SEMA3A: variants seen among roughly 807,000 people sequenced by gnomAD.
SEMA3A encodes semaphorin 3A.
In SEMA3A, 29 loss-of-function variants were observed where a neutral mutation model predicts 97.9. The ratio of observed to expected loss-of-function variants is 0.30; its 90% CI spans 0.22 to 0.40. The LOEUF (loss-of-function observed/expected upper bound fraction) is 0.40. Among genes scored for constraint, SEMA3A ranks in the 10% least tolerant of loss-of-function variants. The probability of loss-of-function intolerance (pLI) is 1.00; values close to 1 mark genes in which losing one functional copy is unlikely to be tolerated. For synonymous variants in SEMA3A, 321 were observed against 323.7 expected (o/e 0.99, Z 0.09); for missense variants, 763 against 951.3 (o/e 0.80, Z 2.60).
intron 1 of SEMA3A, among the ~76,000 whole-genome samples, chr7:84,422,559 T>G (rs1263786094): frequency 6.6e-6 from 1 of 152,066 alleles, no homozygotes; most frequent in African/African-American, 2.4e-5. Context: ...TCTGCTAGAT[T>G]TTGAATTTGT....
chr7:84,208,280 G>A (rs890362932), intron 3 of SEMA3A, among the ~76,000 whole-genome samples: 17 of 152,056 alleles, frequency 1.1e-4, no homozygotes, highest in Non-Finnish European at 2.1e-4. Flanking sequence ...GTGAAACCCC[G>A]CCTCTACTAA....
At chr7:84,190,453 T>C (rs1447424307) in intron 1 of SEMA3A, among the ~76,000 whole-genome samples, 1 of 151,522 alleles carries the variant, frequency 6.6e-6, no homozygotes, top group Non-Finnish European at 1.5e-5. Context: ...AAATATACAG[T>C]GAGTATTTGA....
At position 83,958,888 on chromosome 7, in the gene SEMA3A, T is replaced by G. The variant is rs549838059; in HGVS notation, c.*2483A>C. The stretch of plus-strand genomic sequence containing the variant: ...GGTCACATGAGTCTCTCAAACAGTT[T>G]CATCTCTGATGATTCATGCATATGA... On this transcript the variant is annotated 3_prime_UTR_variant, in exon 17 of 17. Transcript: ENST00000265362. 3.3e-5 allele frequency: 5 copies of G among 152,370 alleles called. No individual in the cohort carries two copies. Among genetic ancestry groups the G allele is most frequent in the Admixed American group, 2.6e-4 (4 of 15,266 alleles). The allele number at this position is 152,370 out of a possible 1,614,324, so 9.4% of individuals were successfully genotyped here.
chr7:84,186,698 GT>G (rs1473485733), intron 1 of SEMA3A, among the ~76,000 whole-genome samples: 1 of 151,484 alleles, frequency 6.6e-6, no homozygotes, highest in African/African-American at 2.4e-5. Flanking sequence ...GCTGCTAGTA[GT>G]TGTCCCATTG....
At chr7:84,264,736 G>C (rs73185105) in intron 3 of SEMA3A, among the ~76,000 whole-genome samples, 10,856 of 152,186 alleles carry the variant, frequency 0.071, 540 homozygotes, top group Non-Finnish European at 0.083. Flanking sequence ...AGACTGCTTA[G>C]AGCTGACTTG....
At chr7:84,163,709 T>C (rs73179368) in intron 1 of SEMA3A, among the ~76,000 whole-genome samples, 2,582 of 152,262 alleles carry the variant, frequency 0.017, 32 homozygotes, top group Non-Finnish European at 0.025. Context: ...TTGACCAATA[T>C]TTGGGAGAAA....
chr7:84,390,938 T>A (rs1458602991), intron 1 of SEMA3A, among the ~76,000 whole-genome samples: 1 of 152,120 alleles, frequency 6.6e-6, no homozygotes, highest in Non-Finnish European at 1.5e-5. Context: ...AGACCCGAAA[T>A]GGTCAGTTTG....
chr7:83,987,068 A>G (rs1789665288), intron 12 of SEMA3A, among the ~76,000 whole-genome samples: 1 of 150,688 alleles, frequency 6.6e-6, no homozygotes, highest in African/African-American at 2.4e-5. Flanking sequence ...CTGGTTATAT[A>G]CCTGTATATT....
At chr7:84,062,770 CA>C (rs1479035415) in intron 4 of SEMA3A, among the ~76,000 whole-genome samples, 6 of 152,224 alleles carry the variant, frequency 3.9e-5, no homozygotes, top group Non-Finnish European at 7.3e-5. Flanking sequence ...GAGGGTCCTA[CA>C]CCCACGGAGT....
chr7:84,161,980 T>A (rs1797049800), intron 1 of SEMA3A, among the ~76,000 whole-genome samples: 1 of 152,142 alleles, frequency 6.6e-6, no homozygotes, highest in South Asian at 2.1e-4. Context: ...ATTTTAATCC[T>A]GACCCTAATT....
chr7:84,272,646 T>C (rs955922946), intron 3 of SEMA3A, among the ~76,000 whole-genome samples: 5 of 152,016 alleles, frequency 3.3e-5, no homozygotes, highest in African/African-American at 1.2e-4. Flanking sequence ...TTATTGATTG[T>C]AAATGAGACT....
chr7:84,056,638 CAT>C (rs1360404804), intron 5 of SEMA3A, among the ~76,000 whole-genome samples: 1 of 151,658 alleles, frequency 6.6e-6, no homozygotes, highest in Non-Finnish European at 1.5e-5. Flanking sequence ...CACACACACA[CAT>C]ACACACAGAG....
At chr7:84,122,226 C>T (rs1305605016) in intron 3 of SEMA3A, among the ~76,000 whole-genome samples, 2 of 151,690 alleles carry the variant, frequency 1.3e-5, no homozygotes. Context: ...AACAAATTTA[C>T]AAGAAAAAAG....
intron 1 of SEMA3A, among the ~76,000 whole-genome samples, chr7:84,478,755 A>G (rs996849401): frequency 6.6e-5 from 10 of 151,992 alleles, no homozygotes; most frequent in Non-Finnish European, 5.9e-5. Context: ...ATAATTTGAC[A>G]TTAGTTAGAA....
intron 3 of SEMA3A, among the ~76,000 whole-genome samples, chr7:84,121,074 C>T (rs770823114): frequency 4.2e-5 from 6 of 144,448 alleles, no homozygotes; most frequent in Non-Finnish European, 9.0e-5. Context: ...TTTATTGCAC[C>T]GGACAGTGCG....
chr7:84,357,371 T>A (rs559328641), intron 2 of SEMA3A, among the ~76,000 whole-genome samples: 95 of 146,814 alleles, frequency 6.5e-4, no homozygotes, highest in Non-Finnish European at 1.1e-3. Context: ...CACCTATAAG[T>A]GAGAACATGC....
At chr7:84,113,686 C>A (rs539604915) in intron 3 of SEMA3A, among the ~76,000 whole-genome samples, 1 of 152,196 alleles carries the variant, frequency 6.6e-6, no homozygotes, top group African/African-American at 2.4e-5. Context: ...AGTTGATGAA[C>A]ACAGACAAGT....
intron 1 of SEMA3A, among the ~76,000 whole-genome samples, chr7:84,422,705 G>A (rs1323577166): frequency 6.6e-6 from 1 of 152,016 alleles, no homozygotes; most frequent in African/African-American, 2.4e-5. Context: ...AGAGATTCTG[G>A]TACATTATGT....
chr7:84,287,280 T>A (rs1584203387), intron 3 of SEMA3A, among the ~76,000 whole-genome samples: 1 of 152,140 alleles, frequency 6.6e-6, no homozygotes, highest in East Asian at 1.9e-4. Flanking sequence ...ATGAAATAAT[T>A]ATCTCAATCA....
Sources: gnomAD v4.1 joint callset for allele counts (sites outside exome capture counted in the v4.1 genomes callset) on GRCh38, gnomAD v4.1.1 for gene constraint, MANE v1.5 for transcripts, NCBI Gene and HGNC (gene_info 2026-07-23, HGNC 2026-07-21) for gene names.